PDCD10: variants seen among roughly 807,000 people sequenced by gnomAD.
PDCD10 encodes programmed cell death protein 10.
PDCD10 carries 4 observed loss-of-function variants against 29.2 expected under a neutral mutation model. That is an observed-to-expected ratio of 0.14 (90% CI 0.07 to 0.31). PDCD10 has a LOEUF of 0.31. Among genes scored for constraint, PDCD10 ranks in the 10% least tolerant of loss-of-function variants. PDCD10 has a pLI of 1.00. For missense variants in PDCD10, 183 were observed against 257.9 expected, an observed-to-expected ratio of 0.71 and a Z score of 1.99; for synonymous variants, 70 against 82.2, an observed-to-expected ratio of 0.85 and a Z score of 0.80.
intron 3 of PDCD10, among the ~76,000 whole-genome samples, chr3:167,707,834 C>T (rs1722139471): frequency 6.6e-6 from 1 of 152,134 alleles, no homozygotes; most frequent in South Asian, 2.1e-4. Flanking sequence ...CAGTGAGAAG[C>T]ACTGCTTGGG....
At chr3:167,718,021 A>C (rs1305641406) in intron 3 of PDCD10, among the ~76,000 whole-genome samples, 2 of 152,058 alleles carry the variant, frequency 1.3e-5, no homozygotes, top group African/African-American at 4.8e-5. Context: ...CTTCCAAACA[A>C]CTTTGCCCAA....
chr3:167,696,502 T>A (rs1333031767), intron 5 of PDCD10, among the ~76,000 whole-genome samples: 2 of 152,146 alleles, frequency 1.3e-5, no homozygotes, highest in Non-Finnish European at 2.9e-5. Context: ...TCTAAATTAG[T>A]GGGAAAACTG....
chr3:167,713,038 A>G (rs1020939468), intron 3 of PDCD10, among the ~76,000 whole-genome samples: 1 of 152,122 alleles, frequency 6.6e-6, no homozygotes, highest in Non-Finnish European at 1.5e-5. Context: ...TCAGTGTTGG[A>G]CAGATCTTTC....
intron 2 of PDCD10, among the ~76,000 whole-genome samples, chr3:167,730,515 AAAAAG>A (rs72574567): frequency 0.024 from 3,691 of 152,300 alleles, 64 homozygotes; most frequent in Non-Finnish European, 0.039. Flanking sequence ...CTGACTTTTT[AAAAAG>A]TAAGTTTAGG....
At chr3:167,707,776 CCT>C (rs907483514) in intron 3 of PDCD10, among the ~76,000 whole-genome samples, 3 of 152,062 alleles carry the variant, frequency 2.0e-5, no homozygotes, top group African/African-American at 7.2e-5. Context: ...TTTTGGGTCC[CCT>C]GAAGGAGGAA....
chr3:167,724,698 A>G (rs1403301689), intron 2 of PDCD10, among the ~76,000 whole-genome samples: 1 of 152,214 alleles, frequency 6.6e-6, no homozygotes, highest in African/African-American at 2.4e-5. Flanking sequence ...CAAAAATCAA[A>G]TTAATTCTAT....
chr3:167,712,466 T>C (rs1473182806), intron 3 of PDCD10, among the ~76,000 whole-genome samples: 3 of 151,260 alleles, frequency 2.0e-5, no homozygotes, highest in Non-Finnish European at 4.4e-5. Context: ...AAACAATGTA[T>C]ACACCAAAAA....
intron 4 of PDCD10, among the ~76,000 whole-genome samples, chr3:167,699,856 T>C (rs1389368887): frequency 6.6e-6 from 1 of 152,158 alleles, no homozygotes; most frequent in Non-Finnish European, 1.5e-5. Flanking sequence ...AGGAAAAATT[T>C]TTGGAGATCA....
intron 4 of PDCD10, among the ~76,000 whole-genome samples, chr3:167,700,173 G>A (rs568494753): frequency 6.6e-6 from 1 of 152,084 alleles, no homozygotes; most frequent in Non-Finnish European, 1.5e-5. Context: ...GCCACCTCCT[G>A]TTGCTATTGC....
At chr3:167,706,529 G>C (rs537581394) in intron 3 of PDCD10, among the ~76,000 whole-genome samples, 16 of 148,438 alleles carry the variant, frequency 1.1e-4, no homozygotes, top group African/African-American at 3.6e-4. Flanking sequence ...GTAACACTAT[G>C]TATTTGTGTA....
intron 6 of PDCD10, among the ~76,000 whole-genome samples, chr3:167,689,673 G>T (rs1720003920): frequency 6.6e-6 from 1 of 152,000 alleles, no homozygotes. Context: ...TTAAAAGGGG[G>T]TGGGGGGAGG....
intron 3 of PDCD10, among the ~76,000 whole-genome samples, chr3:167,709,443 C>T (rs987701848): frequency 2.0e-5 from 3 of 152,070 alleles, no homozygotes; most frequent in African/African-American, 7.2e-5. Flanking sequence ...GAGAGCACAG[C>T]AACTGGGAGA....
At chr3:167,707,680 AAAAACAAAAC>A (rs542413350) in intron 3 of PDCD10, among the ~76,000 whole-genome samples, 14 of 152,216 alleles carry the variant, frequency 9.2e-5, no homozygotes, top group East Asian at 5.8e-4. Context: ...TCTCCATCTC[AAAAACAAAAC>A]AAAACAAAAC....
At chr3:167,691,730 C>A (rs1720262518) in intron 6 of PDCD10, among the ~76,000 whole-genome samples, 1 of 152,184 alleles carries the variant, frequency 6.6e-6, no homozygotes, top group African/African-American at 2.4e-5. Flanking sequence ...TTTCAAATGG[C>A]AGAAACTCTA....
intron 3 of PDCD10, among the ~76,000 whole-genome samples, chr3:167,706,030 G>C (rs1721933167): frequency 6.6e-6 from 1 of 152,120 alleles, no homozygotes; most frequent in African/African-American, 2.4e-5. Flanking sequence ...TTTTAAAAAG[G>C]TCTGAGTCAG....
At chr3:167,729,549 C>G (rs547962759) in intron 2 of PDCD10, among the ~76,000 whole-genome samples, 1 of 152,246 alleles carries the variant, frequency 6.6e-6, no homozygotes, top group Admixed American at 6.5e-5. Context: ...CCTCTCTGTA[C>G]TTTAGTTTCC....
chr3:167,709,088 A>G (rs988743735), intron 3 of PDCD10, among the ~76,000 whole-genome samples: 1 of 152,098 alleles, frequency 6.6e-6, no homozygotes, highest in Non-Finnish European at 1.5e-5. Flanking sequence ...CCCTACCTGC[A>G]TTGTGAAGAA....
intron 4 of PDCD10, among the ~76,000 whole-genome samples, chr3:167,703,706 A>C (rs1030828263): frequency 6.6e-6 from 1 of 152,194 alleles, no homozygotes; most frequent in African/African-American, 2.4e-5. Flanking sequence ...TTTTATATTA[A>C]AGAATGCATT....
intron 6 of PDCD10, among the ~76,000 whole-genome samples, chr3:167,688,193 A>C (rs1220967325): frequency 6.6e-6 from 1 of 152,136 alleles, no homozygotes; most frequent in Non-Finnish European, 1.5e-5. Flanking sequence ...ATTAGTTTTG[A>C]TGTTTAACAT....
Sources: allele counts gnomAD v4.1 joint callset (sites outside exome capture counted in the v4.1 genomes callset), GRCh38; gene constraint gnomAD v4.1.1; transcripts MANE v1.5; gene names NCBI Gene and HGNC (gene_info 2026-07-23, HGNC 2026-07-21).